CHD2: variants seen among roughly 807,000 people sequenced by gnomAD.
CHD2 encodes chromodomain helicase DNA binding protein 2, also known as ATP-dependent chromatin remodeler CHD2.
CHD2 carries 28 observed loss-of-function variants against 243.9 expected under a neutral mutation model. That is an observed-to-expected ratio of 0.11 (90% CI 0.09 to 0.16). The LOEUF (loss-of-function observed/expected upper bound fraction) is 0.16. Ranked by LOEUF, CHD2 falls within the 10% of genes least tolerant of loss-of-function variation. The pLI, the probability that CHD2 is intolerant of heterozygous loss-of-function variation, is 1.00. For missense variants in CHD2, 1,386 were observed against 2,209.8 expected, an observed-to-expected ratio of 0.63 and a Z score of 7.47; for synonymous variants, 775 against 779.0, an observed-to-expected ratio of 0.99 and a Z score of 0.09.
At chr15:92,930,344 T>C (rs2053142558) in intron 5 of CHD2, among the ~76,000 whole-genome samples, 1 of 152,198 alleles carries the variant, frequency 6.6e-6, no homozygotes, top group Admixed American at 6.5e-5. Flanking sequence ...AATGGCCTTA[T>C]TTGTGTGTGC....
At chr15:92,933,628 G>C (rs1436314681) in intron 5 of CHD2, among the ~76,000 whole-genome samples, 1 of 152,072 alleles carries the variant, frequency 6.6e-6, no homozygotes, top group East Asian at 1.9e-4. Context: ...TTTTGAGACG[G>C]CGTTTTATTC....
At chr15:93,009,414 T>G (rs2054362397) in intron 35 of CHD2, 91 bp downstream of exon 35, 1 of 1,287,080 alleles carries the variant, frequency 7.8e-7, no homozygotes, top group African/African-American at 1.5e-5. Context: ...CATAGCCACC[T>G]AAGAAATCTT....
intron 2 of CHD2, among the ~76,000 whole-genome samples, chr15:92,912,296 A>G (rs760357462): frequency 1.3e-5 from 2 of 152,142 alleles, no homozygotes; most frequent in Non-Finnish European, 2.9e-5. Flanking sequence ...GGTCTGTGGC[A>G]TAGCTAGGCT....
intron 5 of CHD2, among the ~76,000 whole-genome samples, chr15:92,937,206 T>C (rs1195795859): frequency 2.6e-5 from 4 of 152,146 alleles, no homozygotes; most frequent in African/African-American, 9.7e-5. Flanking sequence ...CCTGATAACA[T>C]TTTAAAATTT....
At chr15:92,941,313 C>G (rs2053379414) in intron 7 of CHD2, among the ~76,000 whole-genome samples, 1 of 151,794 alleles carries the variant, frequency 6.6e-6, no homozygotes, top group African/African-American at 2.4e-5. Flanking sequence ...TTTTTTAAAC[C>G]AGGAAGTATT....
At chr15:92,963,848 C>G (rs2053721029) in intron 16 of CHD2, among the ~76,000 whole-genome samples, 1 of 152,140 alleles carries the variant, frequency 6.6e-6, no homozygotes, top group African/African-American at 2.4e-5. Context: ...GTAAGGTCAC[C>G]CTACGTAGTA....
intron 16 of CHD2, among the ~76,000 whole-genome samples, chr15:92,958,925 G>A (rs2053650012): frequency 1.3e-5 from 2 of 152,220 alleles, no homozygotes; most frequent in South Asian, 4.1e-4. Flanking sequence ...TGCATTAAAT[G>A]CATTTTTGAT....
At position 93,002,258 on chromosome 15, in the gene CHD2, T is replaced by A. The variant is rs61756301; in HGVS notation, c.4219T>A (p.Ser1407Thr). The A allele has an allele frequency of 0.016, 26,240 of 1,600,670 alleles. 307 individuals carry two copies. Among genetic ancestry groups the A allele is most frequent in the South Asian group, 0.031 (2,727 of 88,394 alleles). Reference protein sequence around the residue: ...NKENKEKQMSSRKDKEGDKER... With the variant: ...NKENKEKQMSTRKDKEGDKER... The stretch of plus-strand genomic sequence containing the variant: ...GGAGAACAAGGAGAAACAAATGAGT[T>A]CTAGGAAAGACAAAGAAGGGGACAA... Residue 1407 changes from serine (S) to threonine (T), a missense_variant, in exon 33 of 39, where the codon TCT becomes ACT. Physicochemically the swap from Ser to Thr is moderately conservative, Grantham distance 58. Transcript: ENST00000394196.
At chr15:92,917,589 A>AG (rs1344426372) in intron 2 of CHD2, among the ~76,000 whole-genome samples, 3 of 152,358 alleles carry the variant, frequency 2.0e-5, no homozygotes, top group African/African-American at 7.2e-5. Flanking sequence ...AAGAAAAAAA[A>AG]GGTGTGACCA....
chr15:92,965,994 C>T (rs1177009864), intron 16 of CHD2, among the ~76,000 whole-genome samples: 1 of 151,912 alleles, frequency 6.6e-6, no homozygotes, highest in African/African-American at 2.4e-5. Context: ...CCGGTCACTT[C>T]ACACATTTAG....
chr15:92,905,273 G>A (rs1441855390), intron 2 of CHD2, among the ~76,000 whole-genome samples: 1 of 152,184 alleles, frequency 6.6e-6, no homozygotes, highest in Admixed American at 6.5e-5. Flanking sequence ...CGGGAATTCT[G>A]AGTCCCGGTA....
chr15:92,910,845 G>A (rs1254233590), intron 2 of CHD2, among the ~76,000 whole-genome samples: 2 of 152,138 alleles, frequency 1.3e-5, no homozygotes, highest in South Asian at 2.1e-4. Flanking sequence ...GAAGTATGTC[G>A]TTAGGTGATC....
At chr15:92,943,473 T>G (rs569499944) in intron 9 of CHD2, 101 of 199,122 alleles carry the variant, frequency 5.1e-4, no homozygotes, top group African/African-American at 2.0e-3. Context: ...GTAGTTAGGC[T>G]GGGGTGGCTT....
intron 23 of CHD2, 72 bp from the exon 24 acceptor site, chr15:92,981,293 A>C: frequency 9.8e-7 from 1 of 1,020,936 alleles, no homozygotes; most frequent in South Asian, 1.4e-5. Context: ...GTAAATACGA[A>C]TAATTTCTGG....
At chr15:92,981,579 C>T in intron 24 of CHD2, 122 bp downstream of exon 24, 1 of 687,962 alleles carries the variant, frequency 1.5e-6, no homozygotes, top group South Asian at 2.0e-5. Context: ...GAGTCATATC[C>T]TCAATATTGT....
At chr15:92,941,228 G>A (rs1187296806) in intron 7 of CHD2, among the ~76,000 whole-genome samples, 5 of 151,630 alleles carry the variant, frequency 3.3e-5, no homozygotes, top group South Asian at 2.1e-4. Context: ...TCCTGACCTC[G>A]TGATTCACCT....
chr15:92,945,671 TA>T, intron 10 of CHD2, 149 bp from the exon 11 acceptor site: 1 of 449,390 alleles, frequency 2.2e-6, no homozygotes, highest in Non-Finnish European at 3.9e-6. Flanking sequence ...GTGCTGGGAT[TA>T]CAGGCGTGAG....
chr15:92,913,587 G>A (rs186854237), intron 2 of CHD2, among the ~76,000 whole-genome samples: 5 of 152,340 alleles, frequency 3.3e-5, no homozygotes, highest in African/African-American at 1.2e-4. Flanking sequence ...TGGGCACGGC[G>A]GTTCACGCCT....
intron 6 of CHD2, 109 bp from the exon 7 acceptor site, chr15:92,939,469 A>C (rs2053322130): frequency 5.2e-6 from 6 of 1,146,520 alleles, no homozygotes; most frequent in Non-Finnish European, 7.3e-6. Flanking sequence ...CCCCAAGTGA[A>C]ATGTTACATT....
Sources: allele counts gnomAD v4.1 joint callset (sites outside exome capture counted in the v4.1 genomes callset), GRCh38; gene constraint gnomAD v4.1.1; transcripts MANE v1.5; gene names NCBI Gene and HGNC (gene_info 2026-07-23, HGNC 2026-07-21).